The following CCNG1 variants were observed in gnomAD, a reference collection of about 807,000 sequenced individuals.
The protein encoded by CCNG1 is cyclin-G1.
CCNG1 carries 13 observed loss-of-function variants against 30.0 expected under a neutral mutation model. That is an observed-to-expected ratio of 0.43 (90% CI 0.28 to 0.69). The LOEUF (loss-of-function observed/expected upper bound fraction) is 0.69, where lower values mean the gene tolerates loss of function less well. CCNG1 is among the 30% of genes least tolerant of loss of function. The pLI is 0.16. For synonymous variants in CCNG1, 110 were observed against 121.5 expected (o/e 0.91, Z 0.62); for missense variants, 285 against 331.4 (o/e 0.86, Z 1.09).
Position 163,444,876 on chromosome 5 carries a change from T to G in CCNG1, c.*1206T>G, listed in dbSNP as rs1327240177. 6.6e-6 allele frequency: 1 copy of G among 152,652 alleles called. No individual in the cohort carries two copies. The highest frequency in any genetic ancestry group is 2.4e-5 in the African/African-American group (1 of 41,460). The allele number at this position is 152,652 out of a possible 1,614,324, so 9.5% of individuals were successfully genotyped here. On this transcript the variant is annotated 3_prime_UTR_variant, in exon 7 of 7. Coordinates refer to ENST00000340828, the MANE Select transcript of CCNG1 (RefSeq NM_004060.4). ...TAAACCATGTTTTATGGGTAACTTTTTAGTTTTCCCAAAAGGCTGATAAAT... is the reference window on the plus strand; with the variant it reads ...TAAACCATGTTTTATGGGTAACTTTGTAGTTTTCCCAAAAGGCTGATAAAT...
At chr5:163,438,185 G>A (rs1344945682) in intron 1 of CCNG1, among the ~76,000 whole-genome samples, 4 of 152,064 alleles carry the variant, frequency 2.6e-5, no homozygotes, top group Admixed American at 2.6e-4. Flanking sequence ...TTAAATCAAT[G>A]GAATTCCCAG....
rs1272162753 is a variant in CCNG1 at position 163,444,571 on chromosome 5, A to G, written c.*901A>G. On this transcript the variant is annotated 3_prime_UTR_variant, in exon 7 of 7. Coordinates refer to ENST00000340828, the MANE Select transcript of CCNG1 (RefSeq NM_004060.4). ...GATGGCAATTTTATAAATAGAGAATATACTTCCACTGATGCCCTTACTGTG... is the reference window on the plus strand; with the variant it reads ...GATGGCAATTTTATAAATAGAGAATGTACTTCCACTGATGCCCTTACTGTG... The G allele has an allele frequency of 6.6e-6, 1 of 152,662 alleles. No homozygotes were observed. The highest frequency in any genetic ancestry group is 1.5e-5 in the Non-Finnish European group (1 of 68,044). The allele number at this position is 152,662 out of a possible 1,614,324, so 9.5% of individuals were successfully genotyped here.
the CCNG1 span, among the ~76,000 whole-genome samples, chr5:163,454,529 C>A: frequency 6.6e-6 from 1 of 152,046 alleles, no homozygotes; most frequent in Non-Finnish European, 1.5e-5. Flanking sequence ...TTAGTAGACA[C>A]GGGGTTTCTC....
chr5:163,442,650 T>A, intron 6 of CCNG1, 82 bp downstream of exon 6: 2 of 1,111,512 alleles, frequency 1.8e-6, no homozygotes, highest in African/African-American at 1.6e-5. Context: ...GTAATTATCT[T>A]CAAAATAAAC....
Position 163,439,353 on chromosome 5 carries a change from G to C in CCNG1, c.97G>C (p.Gly33Arg). ...QESRCQPKVCGLRLIESAHDN... is the reference protein window; with the variant it reads ...QESRCQPKVCRLRLIESAHDN... ...GTCTAGATGTCAGCCAAAGGTCTGT[G>C]GTTTGAGACTAATTGAGTCTGCACA... Residue 33 changes from glycine (G) to arginine (R), a missense_variant, in exon 2 of 7, where the codon GGT becomes CGT. Gly to Arg is a moderately radical substitution (Grantham distance 125). Transcript: ENST00000340828. 1 of 1,614,168 alleles carries C rather than the reference G, an allele frequency of 6.2e-7. No homozygotes were observed. Among genetic ancestry groups the C allele is most frequent in the Non-Finnish European group, 8.5e-7 (1 of 1,180,022 alleles).
Position 163,441,943 on chromosome 5 carries a change from GATC to G in CCNG1, c.579_581del (p.Ile194del). On this transcript the variant is annotated inframe_deletion, in exon 4 of 7. Coordinates refer to ENST00000340828, the MANE Select transcript of CCNG1 (RefSeq NM_004060.4). ...CTCAACTGAAGGCATGTCATTGCAG[GATC>G]ATATTTTCTAAAGCAAAGGTAAATA... is the stretch of plus-strand genomic sequence containing the variant. 6.2e-7 allele frequency: 1 copy of G among 1,609,020 alleles called. No individual in the cohort carries two copies. Among genetic ancestry groups the G allele is most frequent in the Non-Finnish European group, 8.5e-7 (1 of 1,175,776 alleles).
rs149929987 is a variant in CCNG1 at position 163,442,348 on chromosome 5, A to G, written c.697-26A>G. The stretch of plus-strand genomic sequence containing the variant: ...AAGGTGGGACTTACTTGGAGTAATA[A>G]TTTTTTAAAATTTATGTATGTACAG... On this transcript the variant is annotated intron_variant, in intron 5 of 6. Coordinates refer to ENST00000340828, the MANE Select transcript of CCNG1 (RefSeq NM_004060.4). 103 of 1,547,076 alleles carry G rather than the reference A, an allele frequency of 6.7e-5. No individual in the cohort carries two copies. In the African/African-American group the frequency reaches 7.7e-4, roughly 12 times the overall value.
downstream of CCNG1, among the ~76,000 whole-genome samples, chr5:163,445,322 CTTTGT>C (rs890228238): frequency 6.6e-4 from 100 of 151,884 alleles, no homozygotes; most frequent in African/African-American, 1.7e-3. Context: ...TTAGCTGACA[CTTTGT>C]TTTGTTTTTT....
At position 163,440,448 on chromosome 5, in the gene CCNG1, T is replaced by G. The variant is rs372023256; in HGVS notation, c.265-630T>G. Among the ~76,000 whole-genome samples the G allele has an allele frequency of 3.8e-3, 570 of 151,576 alleles. 5 individuals carry two copies. The highest frequency in any genetic ancestry group is 0.013 in the African/African-American group (548 of 41,214). On this transcript the variant is annotated intron_variant, in intron 2 of 6. Transcript: ENST00000340828. ...GAGGCATAAGTGTACTGCTGAAGAGTTTACAAGAAGAGAGAGAGCACAGAG... is the reference window on the plus strand; with the variant it reads ...GAGGCATAAGTGTACTGCTGAAGAGGTTACAAGAAGAGAGAGAGCACAGAG...
intron 1 of CCNG1, 145 bp from the exon 2 acceptor site, chr5:163,439,112 T>C (rs1757662034): frequency 1.0e-5 from 7 of 668,792 alleles, no homozygotes; most frequent in East Asian, 2.6e-5. Flanking sequence ...AAATAACAGA[T>C]GGCACTTTGC....
At position 163,442,466 on chromosome 5, in the gene CCNG1, G is replaced by T. The variant is rs1474326157; in HGVS notation, c.789G>T (p.Gln263His). The T allele has an allele frequency of 6.2e-7, 1 of 1,613,996 alleles. No individual in the cohort carries two copies. Among genetic ancestry groups the T allele is most frequent in the South Asian group, 1.1e-5 (1 of 91,072 alleles). ...ATAAGTGTTCCAAACCAAATGTTCAGAAGTTGAAATGGATTGTTTCTGGGC... is the reference window on the plus strand; with the variant it reads ...ATAAGTGTTCCAAACCAAATGTTCATAAGTTGAAATGGATTGTTTCTGGGC... The part of the protein sequence containing the change: ...SSNKCSKPNV[Q>H]KLKWIVSGRT... Residue 263 changes from glutamine to histidine, a missense_variant, in exon 6 of 7, where the codon CAG (glutamine) becomes CAT (histidine). By Grantham distance (24) the Gln-to-His change is conservative (BLOSUM62 0). Transcript: ENST00000340828.
chr5:163,441,419 T>C (rs1757811506), intron 3 of CCNG1, 88 bp downstream of exon 3: 1 of 1,240,034 alleles, frequency 8.1e-7, no homozygotes, highest in African/African-American at 1.5e-5. Context: ...CCTCATAGAA[T>C]TCTAATAAAA....
At position 163,444,512 on chromosome 5, in the gene CCNG1, A is replaced by AT. The variant is rs949214090; in HGVS notation, c.*848dup. 5.9e-5 allele frequency: 9 copies of AT among 152,596 alleles called. No homozygotes were observed. Among genetic ancestry groups the AT allele is most frequent in the African/African-American group, 1.4e-4 (6 of 41,440 alleles). 9.5% of individuals were successfully genotyped at this position (152,596 alleles called of 1,614,324 possible). The stretch of plus-strand genomic sequence containing the variant: ...TTCAGACTAGATTGAACACTCCAGA[A>AT]TTTTTTACTACAGACTGTTTTTAAG... On this transcript the variant is annotated 3_prime_UTR_variant, in exon 7 of 7. Transcript: ENST00000340828.
the CCNG1 span, among the ~76,000 whole-genome samples, chr5:163,455,647 C>T: frequency 6.6e-6 from 1 of 151,968 alleles, no homozygotes; most frequent in African/African-American, 2.4e-5. Flanking sequence ...GCCTACAGTC[C>T]CAGCTACTCG....
In CCNG1 at chr5:163,439,277, AACTG is replaced by A; in HGVS notation, c.25_28del (p.Asp9LeufsTer8). On this transcript the variant is annotated frameshift_variant, in exon 2 of 7. Coordinates refer to ENST00000340828, the MANE Select transcript of CCNG1 (RefSeq NM_004060.4). LOFTEE classifies it high-confidence loss of function. ...TATAGATGATAGAGGTACTGACAAC[AACTG>A]ACTCTCAGAAACTGCTACACCAGCT... is the stretch of plus-strand genomic sequence containing the variant. The A allele has an allele frequency of 6.2e-7, 1 of 1,613,540 alleles. No individual in the cohort carries two copies. Among genetic ancestry groups the A allele is most frequent in the Non-Finnish European group, 8.5e-7 (1 of 1,179,974 alleles).
At chr5:163,440,337 G>C (rs1294938781) in intron 2 of CCNG1, among the ~76,000 whole-genome samples, 1 of 152,114 alleles carries the variant, frequency 6.6e-6, no homozygotes, top group African/African-American at 2.4e-5. Context: ...CTATTCCTCA[G>C]GTATAATTCA....
At chr5:163,452,606 G>T in the CCNG1 span, 1 of 152,114 alleles carries the variant, frequency 6.6e-6, no homozygotes, top group Non-Finnish European at 1.5e-5. Context: ...ATCTTCTCAA[G>T]AAATAATTAT....
In CCNG1 at chr5:163,440,997, C is replaced by T. The variant is rs1209061602; in HGVS notation, c.265-81C>T. On this transcript the variant is annotated intron_variant, in intron 2 of 6. Transcript: ENST00000340828. ...AATATACATTTTCAAAATGTTGGGT[C>T]GGAGTTCTAGATTATCCTTTATGTT... is the stretch of plus-strand genomic sequence containing the variant. 1.0e-5 allele frequency: 14 copies of T among 1,402,806 alleles called. No homozygotes were observed. The East Asian group carries it at 1.6e-4, about 16-fold the overall frequency. The allele number at this position is 1,402,806 out of a possible 1,614,324, so 86.9% of individuals were successfully genotyped here.
At position 163,442,136 on chromosome 5, in the gene CCNG1, A is replaced by G; in HGVS notation, c.689A>G (p.His230Arg). The G allele has an allele frequency of 6.3e-7, 1 of 1,596,560 alleles. No homozygotes were observed. ...LTEGIECLQK[H>R]SKINGRDLTF... ...GAAGGAATAGAATGTCTTCAGAAAC[A>G]TTCCAAGGTATGTGAAGGACATAGC... Residue 230 changes from histidine (H) to arginine (R), a missense_variant, in exon 5 of 7, where the codon CAT becomes CGT. By Grantham distance (29) the His-to-Arg change is conservative. Transcript: ENST00000340828.
Sources: gnomAD v4.1 joint callset for allele counts (sites outside exome capture counted in the v4.1 genomes callset) on GRCh38, gnomAD v4.1.1 for gene constraint, MANE v1.5 for transcripts, NCBI Gene and HGNC (gene_info 2026-07-23, HGNC 2026-07-21) for gene names.